ELF2: variants seen among roughly 807,000 people sequenced by gnomAD.
ELF2 encodes E74 like ETS transcription factor 2.
In ELF2, 11 loss-of-function variants were observed where a neutral mutation model predicts 54.8. The ratio of observed to expected loss-of-function variants is 0.20; its 90% CI spans 0.13 to 0.33. The LOEUF is 0.33. Among genes scored for constraint, ELF2 ranks in the 10% least tolerant of loss-of-function variants. The pLI, the probability that ELF2 is intolerant of heterozygous loss-of-function variation, is 1.00. For missense variants in ELF2, 513 were observed against 703.0 expected (o/e 0.73, Z 3.06); for synonymous variants, 203 against 245.1 (o/e 0.83, Z 1.61).
intron 1 of ELF2, among the ~76,000 whole-genome samples, chr4:139,140,938 T>A (rs1738640332): frequency 6.6e-6 from 1 of 152,094 alleles, no homozygotes; most frequent in Non-Finnish European, 1.5e-5. Context: ...CCATCCCCAC[T>A]CAACTGAAAC....
rs185358822 is a variant in ELF2, at chr4:139,154,327, G to A, written c.-251-14830C>T. On this transcript the variant is annotated intron_variant, in intron 1 of 9. Transcript: ENST00000686138. ...CCATAAGATAGTATAAAACAACTCTGAGAAGTAGACGTATCTAGTTCTTTT... is the reference window on the plus strand; with the variant it reads ...CCATAAGATAGTATAAAACAACTCTAAGAAGTAGACGTATCTAGTTCTTTT... Among the ~76,000 whole-genome samples the A allele has an allele frequency of 3.9e-3, 594 of 152,214 alleles. 3 individuals carry two copies. The highest frequency in any genetic ancestry group is 0.013 in the African/African-American group (542 of 41,518).
chr4:139,085,526 G>C (rs2292837), intron 4 of ELF2, among the ~76,000 whole-genome samples: 1 of 151,920 alleles, frequency 6.6e-6, no homozygotes, highest in African/African-American at 2.4e-5. Flanking sequence ...TGCCCAACAT[G>C]AGTGCAGCAT....
At position 139,060,677 on chromosome 4, in the gene ELF2, G is replaced by A; in HGVS notation, c.807-3C>T. 6.4e-7 allele frequency: 1 copy of A among 1,571,282 alleles called. No individual in the cohort carries two copies. The highest frequency in any genetic ancestry group is 1.2e-5 in the South Asian group (1 of 83,816). ...GAATTCCCCTTTGGTAGTAGTATCT[G>A]TAAGGGGAAAATGTACCAAATGAAT... is the stretch of plus-strand genomic sequence containing the variant. On this transcript the variant is annotated splice_polypyrimidine_tract_variant and splice_region_variant and intron_variant, in intron 8 of 9. Coordinates refer to ENST00000686138, the MANE Select transcript of ELF2 (RefSeq NM_001331036.3).
At position 139,176,956 on chromosome 4, in the gene ELF2, C is replaced by T. The variant is rs1743016357; in HGVS notation, c.-252+11G>A. ...CTCCCTCTCACCAGCCTCGGCTGCC[C>T]GCGCTCTTACCTGCTCTCCGCGACG... On this transcript the variant is annotated intron_variant, in intron 1 of 9. Transcript: ENST00000686138. 6.6e-6 allele frequency: 1 copy of T among 152,206 alleles called. No homozygotes were observed. Among genetic ancestry groups the T allele is most frequent in the South Asian group, 2.1e-4 (1 of 4,832 alleles). 9.4% of individuals were successfully genotyped at this position (152,206 alleles called of 1,614,324 possible).
At chr4:139,094,174 C>T (rs1732991985) in intron 4 of ELF2, among the ~76,000 whole-genome samples, 1 of 152,140 alleles carries the variant, frequency 6.6e-6, no homozygotes, top group Non-Finnish European at 1.5e-5. Flanking sequence ...GCTGGGATTA[C>T]AGGCGTGAGC....
At chr4:139,070,271 G>A (rs899934045) in intron 6 of ELF2, among the ~76,000 whole-genome samples, 5 of 151,396 alleles carry the variant, frequency 3.3e-5, no homozygotes, top group African/African-American at 4.9e-5. Flanking sequence ...TTTTCATGGT[G>A]TTTTCCATCT....
chr4:139,080,309 A>T (rs1465574873), intron 4 of ELF2, among the ~76,000 whole-genome samples: 4 of 152,188 alleles, frequency 2.6e-5, no homozygotes, highest in Non-Finnish European at 4.4e-5. Context: ...TAAAAAGAAA[A>T]CTAGTGTCAT....
chr4:139,155,538 A>G (rs562051553), intron 1 of ELF2: 2 of 152,376 alleles, frequency 1.3e-5, no homozygotes, highest in South Asian at 2.1e-4. Context: ...TGAGTCCAGG[A>G]GTTCGAGACT....
At chr4:139,135,945 A>C (rs1738106558) in intron 3 of ELF2, among the ~76,000 whole-genome samples, 1 of 152,246 alleles carries the variant, frequency 6.6e-6, no homozygotes. Context: ...AGTATTCCAG[A>C]AACAAACTGT....
At chr4:139,177,872 G>T (rs1002975660), upstream of ELF2, among the ~76,000 whole-genome samples, 1 of 152,160 alleles carries the variant, frequency 6.6e-6, no homozygotes, top group Non-Finnish European at 1.5e-5. Context: ...CTCCTAGCCC[G>T]GTCTTTCCAG....
intron 1 of ELF2, among the ~76,000 whole-genome samples, chr4:139,148,997 A>G (rs1322068108): frequency 6.6e-6 from 1 of 152,246 alleles, no homozygotes; most frequent in Non-Finnish European, 1.5e-5. Flanking sequence ...AATTTAAGAA[A>G]AAAATTCAAC....
intron 1 of ELF2, among the ~76,000 whole-genome samples, chr4:139,149,531 T>C (rs1372307924): frequency 6.6e-6 from 1 of 152,122 alleles, no homozygotes; most frequent in Admixed American, 6.5e-5. Flanking sequence ...GGCAAATCAC[T>C]TGAATCCAGG....
chr4:139,103,136 G>C (rs572704233), intron 4 of ELF2, among the ~76,000 whole-genome samples: 10 of 152,156 alleles, frequency 6.6e-5, no homozygotes, highest in African/African-American at 9.7e-5. Flanking sequence ...TCTTTTGCAA[G>C]TTCATCTACT....
In ELF2 at chr4:139,060,684, GA is replaced by G. The variant is rs769983947; in HGVS notation, c.807-11del. 73 of 1,562,976 alleles carry G rather than the reference GA, an allele frequency of 4.7e-5. No individual in the cohort carries two copies. In the South Asian group the frequency reaches 8.1e-4, roughly 17 times the overall value. On this transcript the variant is annotated splice_polypyrimidine_tract_variant and intron_variant, in intron 8 of 9. Coordinates refer to ENST00000686138, the MANE Select transcript of ELF2 (RefSeq NM_001331036.3). ...CCTTTGGTAGTAGTATCTGTAAGGG[GA>G]AAATGTACCAAATGAATCAAGTATA...
intron 1 of ELF2, among the ~76,000 whole-genome samples, chr4:139,141,610 G>C (rs1185168687): frequency 6.6e-6 from 1 of 152,186 alleles, no homozygotes; most frequent in Non-Finnish European, 1.5e-5. Context: ...AGGTAGACTA[G>C]TCTAGTCACC....
intron 1 of ELF2, among the ~76,000 whole-genome samples, chr4:139,146,654 T>A (rs1361934169): frequency 2.0e-5 from 3 of 152,182 alleles, no homozygotes; most frequent in African/African-American, 7.2e-5. Flanking sequence ...CAAAACAGCA[T>A]GGTACTGGTA....
chr4:139,155,792 G>C (rs1253456637), intron 1 of ELF2, among the ~76,000 whole-genome samples: 1 of 152,126 alleles, frequency 6.6e-6, no homozygotes, highest in Non-Finnish European at 1.5e-5. Flanking sequence ...CCAAGTGTAA[G>C]GACTATATAG....
chr4:139,164,412 G>T (rs1396804421), intron 1 of ELF2, among the ~76,000 whole-genome samples: 1 of 152,120 alleles, frequency 6.6e-6, no homozygotes, highest in Non-Finnish European at 1.5e-5. Context: ...GAGGCGGGTG[G>T]ATCACCTGAG....
At chr4:139,060,202 T>TAATTA in intron 9 of ELF2, 122 bp downstream of exon 9, 1 of 898,174 alleles carries the variant, frequency 1.1e-6, no homozygotes, top group Non-Finnish European at 1.6e-6. Flanking sequence ...CAAGCACTTT[T>TAATTA]CAAAGTCCTG....
Sources: gnomAD v4.1 joint callset for allele counts (sites outside exome capture counted in the v4.1 genomes callset) on GRCh38, gnomAD v4.1.1 for gene constraint, MANE v1.5 for transcripts, NCBI Gene and HGNC (gene_info 2026-07-23, HGNC 2026-07-21) for gene names.